FSD1L: variants seen among roughly 807,000 people sequenced by gnomAD.
FSD1L encodes fibronectin type III and SPRY domain containing 1 like, also known as FSD1-like protein.
FSD1L carries 45 observed loss-of-function variants against 71.6 expected under a neutral mutation model. The ratio of observed to expected loss-of-function variants is 0.63; its 90% CI spans 0.49 to 0.81. The LOEUF is 0.81. FSD1L is among the 30% of genes least tolerant of loss of function. FSD1L has a pLI of 0.00. For missense variants in FSD1L, 561 were observed against 618.1 expected (o/e 0.91, Z 0.98); for synonymous variants, 197 against 207.2 (o/e 0.95, Z 0.42).
chr9:105,474,137 G>T (rs1831646595), intron 5 of FSD1L, among the ~76,000 whole-genome samples: 1 of 152,164 alleles, frequency 6.6e-6, no homozygotes, highest in Non-Finnish European at 1.5e-5. Context: ...AACCTAGACA[G>T]TATAGCCTAC....
chr9:105,532,687 C>CT (rs1280423347), intron 10 of FSD1L, among the ~76,000 whole-genome samples: 1 of 152,204 alleles, frequency 6.6e-6, no homozygotes, highest in Non-Finnish European at 1.5e-5. Flanking sequence ...CTCATGCTAT[C>CT]TGTTCAAACA....
At chr9:105,502,229 T>C (rs1383217409) in intron 7 of FSD1L, among the ~76,000 whole-genome samples, 7 of 152,220 alleles carry the variant, frequency 4.6e-5, no homozygotes, top group African/African-American at 1.7e-4. Flanking sequence ...ATAATGATAA[T>C]ATAAAGTTTA....
rs1456738001 is a variant in FSD1L, at chr9:105,550,138, A to C, written c.*3655A>C. ...CATTAACCAAAACCAGTGAAGTTTG[A>C]TGGACTGTGCATAGAGTTTTGCAGC... On this transcript the variant is annotated 3_prime_UTR_variant, in exon 14 of 14. Transcript: ENST00000481272. 4 of 152,052 alleles carry C rather than the reference A, an allele frequency of 2.6e-5. No homozygotes were observed. Among genetic ancestry groups the C allele is most frequent in the African/African-American group, 9.6e-5 (4 of 41,456 alleles). 9.4% of individuals were successfully genotyped at this position (152,052 alleles called of 1,614,324 possible).
At chr9:105,543,697 C>G (rs1248820354) in intron 13 of FSD1L, among the ~76,000 whole-genome samples, 1 of 152,012 alleles carries the variant, frequency 6.6e-6, no homozygotes, top group South Asian at 2.1e-4. Context: ...GGTTTTTGTC[C>G]CTGCGATAGT....
intron 5 of FSD1L, chr9:105,472,853 A>G (rs1387833349): frequency 6.6e-6 from 1 of 152,144 alleles, no homozygotes; most frequent in East Asian, 1.9e-4. Context: ...TTTTAAACAC[A>G]TGAATCAAAA....
At chr9:105,537,596 C>T (rs1836348895) in intron 12 of FSD1L, among the ~76,000 whole-genome samples, 1 of 151,820 alleles carries the variant, frequency 6.6e-6, no homozygotes, top group Non-Finnish European at 1.5e-5. Context: ...ATTCTGAGAG[C>T]CTTGAAAAAT....
At chr9:105,525,641 A>G in intron 10 of FSD1L, 1 of 1,612,040 alleles carries the variant, frequency 6.2e-7, no homozygotes. Flanking sequence ...GAACTTAGGA[A>G]CTTGGATTCA....
At chr9:105,527,630 CGTA>C (rs1835596931) in intron 10 of FSD1L, among the ~76,000 whole-genome samples, 1 of 150,772 alleles carries the variant, frequency 6.6e-6, no homozygotes, top group South Asian at 2.1e-4. Flanking sequence ...GTATCATTCA[CGTA>C]GTATCTATAA....
intron 7 of FSD1L, among the ~76,000 whole-genome samples, chr9:105,502,884 A>ATTT (rs60907043): frequency 8.1e-5 from 11 of 135,202 alleles, no homozygotes; most frequent in African/African-American, 2.7e-4. Context: ...CTGTAATAAG[A>ATTT]TTTTTTTTTT....
intron 10 of FSD1L, chr9:105,526,399 T>A (rs1835512683): frequency 1.2e-6 from 2 of 1,613,278 alleles, no homozygotes; most frequent in Non-Finnish European, 1.7e-6. Flanking sequence ...ACCCAGAGAT[T>A]CTACCCAGTG....
At chr9:105,498,080 A>G (rs1335135734) in intron 7 of FSD1L, among the ~76,000 whole-genome samples, 1 of 151,914 alleles carries the variant, frequency 6.6e-6, no homozygotes, top group East Asian at 1.9e-4. Context: ...CCTGGCCTCA[A>G]GTGATCTTCC....
rs1011576319 is a variant in FSD1L at position 105,546,320 on chromosome 9, T to C, written c.1468-38T>C. 1.1e-5 allele frequency: 17 copies of C among 1,492,444 alleles called. No homozygotes were observed. The Admixed American group carries it at 2.4e-4, about 21-fold the overall frequency. 92.5% of individuals were successfully genotyped at this position (1,492,444 alleles called of 1,614,324 possible). A position where few individuals can be genotyped will look rare whatever the true frequency, so the allele number is the denominator to read the frequency against. On this transcript the variant is annotated intron_variant, in intron 13 of 13. Transcript: ENST00000481272. The stretch of plus-strand genomic sequence containing the variant: ...TTTAAAAATCACTGAAATTCTAGTT[T>C]GATTTGCAATCTGACAGGTTTTTTT...
intron 6 of FSD1L, among the ~76,000 whole-genome samples, chr9:105,484,117 G>T (rs868530538): frequency 2.0e-5 from 3 of 152,066 alleles, no homozygotes; most frequent in African/African-American, 7.2e-5. Flanking sequence ...GATATTTGTT[G>T]TTATTCATAT....
At position 105,453,305 on chromosome 9, in the gene FSD1L, C is replaced by T. The variant is rs191075086; in HGVS notation, c.15+5070C>T. Among the ~76,000 whole-genome samples the T allele has an allele frequency of 8.0e-3, 1,217 of 151,872 alleles. 12 individuals are homozygous for T. The highest frequency in any genetic ancestry group is 0.021 in the Middle Eastern group (6 of 292). The stretch of plus-strand genomic sequence containing the variant: ...GAAGAGATTCTTGTGTCTTCGCCTC[C>T]CTCGTAGCTGGGATTATAGGCGCCC... On this transcript the variant is annotated intron_variant, in intron 1 of 13. Coordinates refer to ENST00000481272, the MANE Select transcript of FSD1L (RefSeq NM_001145313.3).
chr9:105,495,282 G>A (rs1233839821), intron 7 of FSD1L, among the ~76,000 whole-genome samples: 1 of 152,164 alleles, frequency 6.6e-6, no homozygotes, highest in South Asian at 2.1e-4. Context: ...GCGAGACTCC[G>A]TGGGTGTAGG....
chr9:105,456,526 G>C (rs1331979932), intron 1 of FSD1L, among the ~76,000 whole-genome samples: 1 of 152,190 alleles, frequency 6.6e-6, no homozygotes, highest in Non-Finnish European at 1.5e-5. Context: ...GCGTTGAAGA[G>C]AGTAACTTAT....
chr9:105,508,989 G>C (rs906179214), intron 9 of FSD1L, among the ~76,000 whole-genome samples: 1 of 152,118 alleles, frequency 6.6e-6, no homozygotes, highest in African/African-American at 2.4e-5. Flanking sequence ...TTTCAATCTT[G>C]TTATAAATAG....
rs770554725 is a variant in FSD1L at position 105,498,223 on chromosome 9, A to ATTATTATTATTGTTG, written c.587-8174_587-8173insATTATTATTGTTGTT. Among the ~76,000 whole-genome samples, 160 of 147,184 alleles carry ATTATTATTATTGTTG rather than the reference A, an allele frequency of 1.1e-3. 2 individuals carry two copies. Among genetic ancestry groups the ATTATTATTATTGTTG allele is most frequent in the Non-Finnish European group, 1.4e-3 (95 of 66,988 alleles). On this transcript the variant is annotated intron_variant, in intron 7 of 13. Coordinates refer to ENST00000481272, the MANE Select transcript of FSD1L (RefSeq NM_001145313.3). ...TATTATTATTATTATTATTATTATTATTGTTTTTAGTTTACCAAGGCGAAA... is the reference window on the plus strand; with the variant it reads ...TATTATTATTATTATTATTATTATTATTATTATTATTGTTGTTGTTTTTAGTTTACCAAGGCGAAA...
At chr9:105,485,533 G>GTTT (rs34268568) in intron 7 of FSD1L, among the ~76,000 whole-genome samples, 2,838 of 79,038 alleles carry the variant, frequency 0.036, 74 homozygotes, top group Non-Finnish European at 0.049. Context: ...TTGGTTAGGT[G>GTTT]TTTTTTTTTT....
Sources: gnomAD v4.1 joint callset for allele counts (sites outside exome capture counted in the v4.1 genomes callset) on GRCh38, gnomAD v4.1.1 for gene constraint, MANE v1.5 for transcripts, NCBI Gene and HGNC (gene_info 2026-07-23, HGNC 2026-07-21) for gene names.